The following ATXN2 variants were observed in gnomAD, a reference collection of about 807,000 sequenced individuals.
ATXN2 encodes ataxin 2.
A neutral mutation model predicts 138.6 loss-of-function variants in ATXN2; 37 were observed. The observed-to-expected ratio is 0.27, with a 90% CI of 0.21 to 0.35. The LOEUF is 0.35. ATXN2 is among the 10% of genes least tolerant of loss of function. ATXN2 has a pLI of 1.00. For missense variants in ATXN2, 1,216 were observed against 1,480.3 expected, an observed-to-expected ratio of 0.82 and a Z score of 2.93; for synonymous variants, 549 against 543.7, an observed-to-expected ratio of 1.01 and a Z score of -0.13.
intron 1 of ATXN2, among the ~76,000 whole-genome samples, chr12:111,567,839 TTGTC>T (rs1001728825): frequency 3.3e-5 from 5 of 152,120 alleles, no homozygotes; most frequent in East Asian, 1.9e-4. Flanking sequence ...TTTCGTATGT[TTGTC>T]TGTCTTATTC....
Position 111,470,195 on chromosome 12 carries a change from T to C in ATXN2, c.2755A>G (p.Met919Val). The change falls in exon 20 of 25, where the codon ATG (methionine) becomes GTG (valine). Residue 919 changes from methionine (M) to valine (V), a missense_variant. Met to Val is a conservative substitution (Grantham distance 21). This residue lies in a region of ATXN2 where 490 missense variants were observed against 653.5 expected (regional missense o/e 0.75). Transcript: ENST00000673436. ...SPVIQGNARM[M>V]APPTHAQPGL... The stretch of plus-strand genomic sequence containing the variant: ...GGCTGGGCGTGTGTTGGTGGTGCCA[T>C]CATTCTAGCATTACCCTGTATTACA... 9.9e-6 allele frequency: 16 copies of C among 1,614,162 alleles called. No individual in the cohort carries two copies. Among genetic ancestry groups the C allele is most frequent in the Non-Finnish European group, 1.3e-5 (15 of 1,180,000 alleles).
At chr12:111,472,813 A>T (rs1876508319) in intron 18 of ATXN2, among the ~76,000 whole-genome samples, 1 of 151,724 alleles carries the variant, frequency 6.6e-6, no homozygotes, top group African/African-American at 2.4e-5. Context: ...ACCTCAGGTG[A>T]TCTGCCCACC....
intron 21 of ATXN2, chr12:111,461,070 TAA>T (rs1207290343): frequency 2.0e-5 from 3 of 152,234 alleles, no homozygotes; most frequent in Non-Finnish European, 2.9e-5. Flanking sequence ...AAACAAAATT[TAA>T]AAAGAGTTAA....
intron 5 of ATXN2, among the ~76,000 whole-genome samples, chr12:111,539,485 T>TTGGGA (rs1881372836): frequency 6.7e-6 from 1 of 149,898 alleles, no homozygotes; most frequent in Non-Finnish European, 1.5e-5. Context: ...CGATGGCTCA[T>TTGGGA]GCCTGTAATC....
At chr12:111,504,802 T>C (rs1308089614) in intron 14 of ATXN2, among the ~76,000 whole-genome samples, 3 of 152,226 alleles carry the variant, frequency 2.0e-5, no homozygotes, top group Non-Finnish European at 2.9e-5. Flanking sequence ...CACTCTCCTA[T>C]GACCTTTTTT....
At chr12:111,587,890 G>A (rs1347567755) in intron 1 of ATXN2, among the ~76,000 whole-genome samples, 1 of 151,972 alleles carries the variant, frequency 6.6e-6, no homozygotes, top group Non-Finnish European at 1.5e-5. Flanking sequence ...TATTAATCAT[G>A]GCACGAAACT....
intron 1 of ATXN2, among the ~76,000 whole-genome samples, chr12:111,593,289 T>C (rs1173610667): frequency 6.6e-6 from 1 of 151,896 alleles, no homozygotes; most frequent in Admixed American, 6.6e-5. Context: ...AGATGGGGGT[T>C]TCACCATGTT....
intron 14 of ATXN2, among the ~76,000 whole-genome samples, chr12:111,500,709 C>T (rs746342948): frequency 3.9e-5 from 6 of 152,088 alleles, no homozygotes; most frequent in South Asian, 2.1e-4. Flanking sequence ...CCCGTCTCTA[C>T]TAAAAATACA....
chr12:111,509,829 T>A (rs1879395650), intron 13 of ATXN2, 62 bp downstream of exon 13: 1 of 1,285,500 alleles, frequency 7.8e-7, no homozygotes, highest in South Asian at 1.3e-5. Flanking sequence ...TGTATGGGCA[T>A]GAAATTAGAC....
chr12:111,464,326 T>G (rs188938554), intron 21 of ATXN2, among the ~76,000 whole-genome samples: 8 of 117,630 alleles, frequency 6.8e-5, no homozygotes, highest in African/African-American at 4.1e-4. Flanking sequence ...GTGGCTTGGG[T>G]GTGTGTGTTT....
chr12:111,511,230 TTA>T (rs1277435066), intron 11 of ATXN2: 2 of 150,748 alleles, frequency 1.3e-5, no homozygotes, highest in Non-Finnish European at 2.9e-5. Context: ...AATGGTTCGA[TTA>T]TTTCATTTCA....
chr12:111,575,945 G>A (rs1883614992), intron 1 of ATXN2, among the ~76,000 whole-genome samples: 1 of 151,970 alleles, frequency 6.6e-6, no homozygotes, highest in African/African-American at 2.4e-5. Flanking sequence ...AGCCAGGCAC[G>A]GTGGTGGGCG....
intron 18 of ATXN2, chr12:111,479,047 A>T (rs145629893): frequency 0.023 from 8,785 of 376,442 alleles, 142 homozygotes; most frequent in South Asian, 0.074. Flanking sequence ...TAAATTTTTT[A>T]AAAAAATGAA....
At chr12:111,522,711 G>A (rs1352658366) in intron 6 of ATXN2, among the ~76,000 whole-genome samples, 5 of 151,404 alleles carry the variant, frequency 3.3e-5, no homozygotes, top group Non-Finnish European at 5.9e-5. Flanking sequence ...TTAGGAGTTC[G>A]GGACCAGCCT....
Position 111,516,031 on chromosome 12 carries a change from TA to T in ATXN2, c.1375+122del. The T allele has an allele frequency of 1.1e-6, 1 of 949,784 alleles. No homozygotes were observed. The highest frequency in any genetic ancestry group is 1.5e-6 in the Non-Finnish European group (1 of 671,266). 58.8% of individuals were successfully genotyped at this position (949,784 alleles called of 1,614,324 possible). ...GTTAATAGAAATAGTTTTAATAAAC[TA>T]AAGTTAAAACACAGAAATTATAGGT... On this transcript the variant is annotated intron_variant, in intron 10 of 24. Coordinates refer to ENST00000673436, the MANE Select transcript of ATXN2 (RefSeq NM_001372574.1). This position sits in a 1 kb window ranked among gnomAD's most constrained non-coding sequence, Gnocchi z 5.0.
Position 111,554,141 on chromosome 12 carries a change from A to G in ATXN2, c.348+17T>C. ...CTACCCCCAAGGCAGTTTATCCCCA[A>G]TAATCTAATAACTTACAACAACTGA... On this transcript the variant is annotated intron_variant, in intron 3 of 24. Transcript: ENST00000673436. 1 of 1,456,698 alleles carries G rather than the reference A, an allele frequency of 6.9e-7. No individual in the cohort carries two copies. The highest frequency in any genetic ancestry group is 9.3e-7 in the Non-Finnish European group (1 of 1,079,670). The allele number at this position is 1,456,698 out of a possible 1,614,324, so 90.2% of individuals were successfully genotyped here. A position where few individuals can be genotyped will look rare whatever the true frequency, so the allele number is the denominator to read the frequency against.
chr12:111,507,422 G>A (rs1267514110), intron 14 of ATXN2, among the ~76,000 whole-genome samples: 16 of 149,444 alleles, frequency 1.1e-4, no homozygotes, highest in Non-Finnish European at 2.4e-4. Context: ...AAGCCCCTCC[G>A]CCTGGCAGCC....
chr12:111,536,788 T>G (rs982830982), intron 5 of ATXN2, among the ~76,000 whole-genome samples: 12 of 146,996 alleles, frequency 8.2e-5, no homozygotes, highest in Non-Finnish European at 1.6e-4. Flanking sequence ...TTTTTTTTTT[T>G]TTTTTTTTTT....
At chr12:111,473,406 A>G (rs1876557631) in intron 18 of ATXN2, among the ~76,000 whole-genome samples, 1 of 152,224 alleles carries the variant, frequency 6.6e-6, no homozygotes, top group Non-Finnish European at 1.5e-5. Flanking sequence ...GACTGCCTTA[A>G]AAAGGGAAAT....
Sources: gnomAD v4.1 joint callset for allele counts (sites outside exome capture counted in the v4.1 genomes callset) on GRCh38, gnomAD v4.1.1 for gene constraint, gnomAD v4.1.1 regional missense constraint, Gnocchi (gnomAD v3.1) non-coding constraint, MANE v1.5 for transcripts, NCBI Gene and HGNC (gene_info 2026-07-23, HGNC 2026-07-21) for gene names.